Variants in ANO7 observed in about 807,000 individuals in gnomAD.
ANO7 encodes anoctamin 7.
A neutral mutation model predicts 115.8 loss-of-function variants in ANO7; 114 were observed. The observed-to-expected ratio is 0.98, with a 90% CI of 0.85 to 1.15. ANO7 has a LOEUF of 1.15. Ranked by LOEUF, ANO7 falls within the 50% of genes most tolerant of loss-of-function variation. The pLI is 0.00. For synonymous variants in ANO7, 550 were observed against 498.2 expected (o/e 1.10, Z -1.38); for missense variants, 1,302 against 1,201.2 (o/e 1.08, Z -1.24).
chr2:241,209,085 C>T (rs1010466205), intron 11 of ANO7, among the ~76,000 whole-genome samples, 200 bp from the exon 12 acceptor site: 5 of 152,192 alleles, frequency 3.3e-5, no homozygotes, highest in African/African-American at 7.2e-5. Context: ...GGAGGCGAAG[C>T]GTGCAGTGAG....
In ANO7 at chr2:241,217,826, G is replaced by A. The variant is rs76832527; in HGVS notation, c.2113G>A (p.Ala705Thr). Reference protein sequence around the residue: ...CEYRRPVAERAQDIGIWFHIL... With the variant: ...CEYRRPVAERTQDIGIWFHIL... ...GTACCGGCGCCCGGTGGCCGAGCGCGCCCAGGACATCGGCATCTGGTTCCA... is the reference window on the plus strand; with the variant it reads ...GTACCGGCGCCCGGTGGCCGAGCGCACCCAGGACATCGGCATCTGGTTCCA... The change falls in exon 20 of 25, where the codon GCC (alanine) becomes ACC (threonine). Residue 705 changes from alanine (A) to threonine (T), a missense_variant. Physicochemically the swap from Ala to Thr is moderately conservative, Grantham distance 58. Transcript: ENST00000674324. The A allele has an allele frequency of 0.17, 268,924 of 1,608,462 alleles. 23,856 individuals are homozygous for A. Among genetic ancestry groups the A allele is most frequent in the Non-Finnish European group, 0.18 (215,662 of 1,178,374 alleles).
At chr2:241,197,547 C>T (rs1257546173) in intron 4 of ANO7, among the ~76,000 whole-genome samples, 2 of 152,068 alleles carry the variant, frequency 1.3e-5, no homozygotes, top group South Asian at 2.1e-4. Context: ...CCACCATGCC[C>T]GGCTAATTTT....
rs367750969 is a variant in ANO7 at position 241,191,009 on chromosome 2, A to G, written c.109-185A>G. Among the ~76,000 whole-genome samples, 78 of 152,148 alleles carry G rather than the reference A, an allele frequency of 5.1e-4. 2 individuals are homozygous for G. The highest frequency in any genetic ancestry group is 5.0e-3 in the East Asian group (26 of 5,170). On this transcript the variant is annotated intron_variant, in intron 2 of 24. Transcript: ENST00000674324. The stretch of plus-strand genomic sequence containing the variant: ...GCCTGCGCATCCTGTGCCCCCACAC[A>G]GCAGAGGGGCTTCCCCCTCCACCCC...
chr2:241,199,519 T>C, intron 5 of ANO7, 96 bp downstream of exon 5: 8 of 1,248,006 alleles, frequency 6.4e-6, no homozygotes, highest in Non-Finnish European at 9.2e-6. Flanking sequence ...GAGGGCTCCC[T>C]GCTCAGAGGC....
At chr2:241,190,512 C>G (rs2068174977) in intron 2 of ANO7, among the ~76,000 whole-genome samples, 2 of 152,350 alleles carry the variant, frequency 1.3e-5, no homozygotes, top group South Asian at 2.1e-4. Context: ...CAGCAGCACC[C>G]AGGGCCATCT....
At chr2:241,212,715 T>G in intron 17 of ANO7, 89 bp downstream of exon 17, 58 of 1,322,424 alleles carry the variant, frequency 4.4e-5, no homozygotes, top group Non-Finnish European at 5.7e-5. Flanking sequence ...TTTGCAGCAA[T>G]TCCTCCCACC....
chr2:241,232,894 T>C, the ANO7 span, among the ~76,000 whole-genome samples: 2 of 151,424 alleles, frequency 1.3e-5, no homozygotes, highest in Admixed American at 6.6e-5. Context: ...ACGTGGGAGC[T>C]GGAGGAGGCA....
intron 19 of ANO7, 171 bp from the exon 20 acceptor site, chr2:241,217,515 G>A (rs2068860438): frequency 1.4e-6 from 1 of 729,480 alleles, no homozygotes. Context: ...GTCAGGAGAG[G>A]CGGCCCTGGC....
chr2:241,208,961 A>G (rs913675416), intron 11 of ANO7, among the ~76,000 whole-genome samples: 5 of 152,228 alleles, frequency 3.3e-5, no homozygotes, highest in South Asian at 2.1e-4. Context: ...CATCCTGGCT[A>G]ACACGGTGAA....
At chr2:241,215,932 C>T (rs1205034653) in intron 18 of ANO7, among the ~76,000 whole-genome samples, 161 bp from the exon 19 acceptor site, 2 of 152,238 alleles carry the variant, frequency 1.3e-5, no homozygotes, top group Non-Finnish European at 2.9e-5. Context: ...AAGCTGTTGG[C>T]TCTCACTGCG....
At chr2:241,236,006 C>G in the ANO7 span, 7,542 of 196,172 alleles carry the variant, frequency 0.038, 614 homozygotes, top group African/African-American at 0.16. Context: ...CTAATGCCCA[C>G]GAGGTGCCAC....
Position 241,225,641 on chromosome 2 carries a change from C to T in ANO7, c.*1488C>T, listed in dbSNP as rs1381706106. 6.6e-6 allele frequency among the ~76,000 whole-genome samples: 1 copy of T among 151,824 alleles called. No individual in the cohort carries two copies. The highest frequency in any genetic ancestry group is 1.5e-5 in the Non-Finnish European group (1 of 68,016). On this transcript the variant is annotated 3_prime_UTR_variant, in exon 25 of 25. Coordinates refer to ENST00000674324, the MANE Select transcript of ANO7 (RefSeq NM_001370694.2). The stretch of plus-strand genomic sequence containing the variant: ...CATCCTCGCCTGCGTTCTATTTCAC[C>T]CACCGTGATGCCTGGCCTGAGGGCG...
intron 11 of ANO7, among the ~76,000 whole-genome samples, chr2:241,208,733 C>T (rs187632240): frequency 6.6e-6 from 1 of 152,284 alleles, no homozygotes; most frequent in Non-Finnish European, 1.5e-5. Context: ...AGGTCCAAAA[C>T]CTCATGAAAA....
the ANO7 span, among the ~76,000 whole-genome samples, chr2:241,237,002 G>A: frequency 1.4e-5 from 2 of 142,760 alleles, no homozygotes; most frequent in Non-Finnish European, 3.0e-5. Flanking sequence ...GGGCGGCAAT[G>A]AAGGCTTTGC....
At chr2:241,213,674 C>T (rs761329414) in intron 17 of ANO7, among the ~76,000 whole-genome samples, 29 of 152,224 alleles carry the variant, frequency 1.9e-4, no homozygotes, top group Non-Finnish European at 3.8e-4. Context: ...GTGGGTGCAT[C>T]TGGAGCCATC....
chr2:241,217,913 G>A (rs1444992266), intron 20 of ANO7, 22 bp downstream of exon 20: 4 of 1,376,058 alleles, frequency 2.9e-6, no homozygotes, highest in Admixed American at 2.3e-5. Context: ...GCGGGAGCGC[G>A]GGGCGGGGCG....
chr2:241,202,184 T>G lies in ANO7; in HGVS notation c.613-10T>G, dbSNP rs768181708. 5.3e-5 allele frequency: 85 copies of G among 1,611,686 alleles called. No homozygotes were observed. The highest frequency in any genetic ancestry group is 6.4e-5 in the Non-Finnish European group (75 of 1,178,338). On this transcript the variant is annotated splice_polypyrimidine_tract_variant and intron_variant, in intron 7 of 24. Transcript: ENST00000674324. ...CAAGTGACCTGCGCCATCCTCCACA[T>G]CCCCTGCAGCTGTTTGAGATCCTGG...
chr2:241,212,815 G>A (rs1027012285), intron 17 of ANO7, 189 bp downstream of exon 17: 24 of 605,050 alleles, frequency 4.0e-5, no homozygotes, highest in Admixed American at 5.8e-5. Context: ...TCTGACCCCC[G>A]ATATGCCCCA....
At chr2:241,236,522 G>C in the ANO7 span, 1 of 1,325,424 alleles carries the variant, frequency 7.5e-7, no homozygotes, top group East Asian at 2.3e-5. Context: ...CTGCCGCTTG[G>C]GCAACCGTCC....
Sources: allele counts gnomAD v4.1 joint callset (sites outside exome capture counted in the v4.1 genomes callset), GRCh38; gene constraint gnomAD v4.1.1; transcripts MANE v1.5; gene names NCBI Gene and HGNC (gene_info 2026-07-23, HGNC 2026-07-21).